The following SPPL3 variants were observed in gnomAD, a reference collection of about 807,000 sequenced individuals.
The protein encoded by SPPL3 is signal peptide peptidase-like 3.
In SPPL3, 5 loss-of-function variants were observed where a neutral mutation model predicts 42.4. The observed-to-expected ratio is 0.12, with a 90% CI of 0.06 to 0.25. SPPL3 has a LOEUF of 0.25. SPPL3 is among the 10% of genes least tolerant of loss of function. The pLI is 1.00. For missense variants in SPPL3, 235 were observed against 489.0 expected (o/e 0.48, Z 4.90); for synonymous variants, 195 against 181.8 (o/e 1.07, Z -0.58).
rs1566073392 is a variant in SPPL3 at position 120,898,313 on chromosome 12, T to TAA, written c.23+5531_23+5532insTT. Among the ~76,000 whole-genome samples the TAA allele has an allele frequency of 1.4e-3, 138 of 98,698 alleles. No individual in the cohort carries two copies. The East Asian group carries it at 0.021, about 15-fold the overall frequency. 64.7% of individuals were successfully genotyped at this position (98,698 alleles called of 152,430 possible). A position where few individuals can be genotyped will look rare whatever the true frequency, so the allele number is the denominator to read the frequency against. On this transcript the variant is annotated intron_variant, in intron 1 of 10. Transcript: ENST00000353487. ...AAGACTCTGTTTTTTTTTTTTTTTT[T>TAA]TAAAAAAAAAAAAAAAAAAAAAGAT...
intron 1 of SPPL3, among the ~76,000 whole-genome samples, chr12:120,867,025 G>C (rs570621142): frequency 7.9e-5 from 12 of 152,256 alleles, no homozygotes; most frequent in African/African-American, 2.6e-4. Context: ...GTCAGTCATA[G>C]GTAACCTCCA....
At chr12:120,767,251 TCA>T in intron 9 of SPPL3, 141 bp downstream of exon 9, 1 of 826,550 alleles carries the variant, frequency 1.2e-6, no homozygotes, top group Non-Finnish European at 1.9e-6. Flanking sequence ...ACTTAGCATC[TCA>T]CGGGCCAGGC....
intron 1 of SPPL3, among the ~76,000 whole-genome samples, chr12:120,843,170 T>C (rs960697646): frequency 3.3e-5 from 5 of 152,196 alleles, no homozygotes; most frequent in African/African-American, 7.2e-5. Flanking sequence ...GTAGGAGGTA[T>C]ACATATACAA....
At chr12:120,811,466 C>G (rs1238590242) in intron 1 of SPPL3, 1 of 152,244 alleles carries the variant, frequency 6.6e-6, no homozygotes, top group African/African-American at 2.4e-5. Flanking sequence ...CCTCAGCTGC[C>G]AAAGCTAAAA....
chr12:120,881,424 C>A (rs146701889), intron 1 of SPPL3, among the ~76,000 whole-genome samples: 3 of 135,160 alleles, frequency 2.2e-5, no homozygotes, highest in African/African-American at 8.5e-5. Context: ...GCCAAGACAG[C>A]GCCACAGAAC....
chr12:120,795,976 ATCTTT>A, intron 2 of SPPL3, among the ~76,000 whole-genome samples: 1 of 152,142 alleles, frequency 6.6e-6, no homozygotes, highest in South Asian at 2.1e-4. Flanking sequence ...AAGTTCACTA[ATCTTT>A]TCTTCTGCAG....
intron 1 of SPPL3, among the ~76,000 whole-genome samples, chr12:120,846,498 G>A (rs760231964): frequency 6.6e-6 from 1 of 152,184 alleles, no homozygotes; most frequent in South Asian, 2.1e-4. Flanking sequence ...ATTTAAAATA[G>A]TTACCTTAGA....
intron 1 of SPPL3, among the ~76,000 whole-genome samples, chr12:120,823,874 C>CT (rs1871155711): frequency 1.5e-5 from 2 of 130,336 alleles, no homozygotes; most frequent in Non-Finnish European, 1.7e-5. Flanking sequence ...ATCACAAAGA[C>CT]ATTTTTTTTT....
intron 1 of SPPL3, among the ~76,000 whole-genome samples, chr12:120,891,828 T>A (rs908396273): frequency 6.6e-6 from 1 of 151,368 alleles, no homozygotes; most frequent in Admixed American, 6.6e-5. Flanking sequence ...GTTTGGGAAA[T>A]ATAAAGTATA....
intron 1 of SPPL3, among the ~76,000 whole-genome samples, chr12:120,865,230 A>G (rs1013016753): frequency 1.3e-5 from 2 of 152,162 alleles, no homozygotes; most frequent in African/African-American, 2.4e-5. Flanking sequence ...ACCCTCCCAC[A>G]TGAAAATGCC....
At chr12:120,784,669 C>G in intron 3 of SPPL3, 76 bp from the exon 4 acceptor site, 1 of 1,224,196 alleles carries the variant, frequency 8.2e-7, no homozygotes, top group African/African-American at 1.5e-5. Context: ...TATACATTAA[C>G]TTGCAAAAAT....
chr12:120,873,560 C>A (rs1872992034), intron 1 of SPPL3, among the ~76,000 whole-genome samples: 1 of 152,040 alleles, frequency 6.6e-6, no homozygotes, highest in African/African-American at 2.4e-5. Context: ...AAGGAAAAGG[C>A]CGTATTATTC....
intron 2 of SPPL3, 146 bp from the exon 3 acceptor site, chr12:120,791,703 T>TA: frequency 1.6e-6 from 1 of 607,430 alleles, no homozygotes; most frequent in Non-Finnish European, 2.9e-6. Context: ...TGTAACATTT[T>TA]AAAAAACAAT....
intron 5 of SPPL3, 51 bp from the exon 6 acceptor site, chr12:120,782,818 C>G: frequency 7.5e-7 from 1 of 1,331,148 alleles, no homozygotes; most frequent in Non-Finnish European, 1.1e-6. Flanking sequence ...TATTCAGTAA[C>G]CAAATTCTCC....
In SPPL3 at chr12:120,860,864, A is replaced by G. The variant is rs181519264; in HGVS notation, c.23+42981T>C. Among the ~76,000 whole-genome samples, 43 of 152,280 alleles carry G rather than the reference A, an allele frequency of 2.8e-4. No individual in the cohort carries two copies. The East Asian group carries it at 8.1e-3, about 29-fold the overall frequency. ...TCCCTATCTTTGGGGGACTGGTTCCAGGACAACCCCCTACTCCCCTTCTAG... is the reference window on the plus strand; with the variant it reads ...TCCCTATCTTTGGGGGACTGGTTCCGGGACAACCCCCTACTCCCCTTCTAG... On this transcript the variant is annotated intron_variant, in intron 1 of 10. Transcript: ENST00000353487.
At chr12:120,885,566 C>A (rs1873426597) in intron 1 of SPPL3, among the ~76,000 whole-genome samples, 3 of 152,252 alleles carry the variant, frequency 2.0e-5, no homozygotes, top group South Asian at 4.1e-4. Flanking sequence ...ATGGTCAAAT[C>A]CTGTTAAAGT....
chr12:120,892,838 C>T (rs1322743328), intron 1 of SPPL3, among the ~76,000 whole-genome samples: 1 of 151,306 alleles, frequency 6.6e-6, no homozygotes, highest in Non-Finnish European at 1.5e-5. Flanking sequence ...AAAAATTAGC[C>T]GGGCATGGTG....
At chr12:120,865,283 C>A (rs115863505) in intron 1 of SPPL3, among the ~76,000 whole-genome samples, 44 of 152,310 alleles carry the variant, frequency 2.9e-4, no homozygotes, top group South Asian at 1.0e-3. Flanking sequence ...ACGCTCATAG[C>A]GAACTGTACA....
chr12:120,806,804 A>G (rs996965171), intron 2 of SPPL3, among the ~76,000 whole-genome samples: 3 of 151,418 alleles, frequency 2.0e-5, no homozygotes, highest in Non-Finnish European at 4.4e-5. Context: ...CTGAGATCAC[A>G]CCACTGCACT....
Sources: gnomAD v4.1 joint callset for allele counts (sites outside exome capture counted in the v4.1 genomes callset) on GRCh38, gnomAD v4.1.1 for gene constraint, MANE v1.5 for transcripts, NCBI Gene and HGNC (gene_info 2026-07-23, HGNC 2026-07-21) for gene names.